The following DNM1 variants were observed in gnomAD, a reference collection of about 807,000 sequenced individuals.
DNM1 encodes the protein dynamin-1.
DNM1 carries 29 observed loss-of-function variants against 104.6 expected under a neutral mutation model. The ratio of observed to expected loss-of-function variants is 0.28; its 90% CI spans 0.21 to 0.38. The LOEUF (loss-of-function observed/expected upper bound fraction) is 0.38, where lower values mean the gene tolerates loss of function less well. DNM1 is among the 10% of genes least tolerant of loss of function. DNM1 has a pLI of 1.00. For synonymous variants in DNM1, 445 were observed against 475.8 expected, an observed-to-expected ratio of 0.94 and a Z score of 0.84; for missense variants, 640 against 1,189.4, an observed-to-expected ratio of 0.54 and a Z score of 6.79.
chr9:128,209,067 G>A (rs2131100864), intron 1 of DNM1, among the ~76,000 whole-genome samples: 1 of 151,484 alleles, frequency 6.6e-6, no homozygotes, highest in South Asian at 2.1e-4. Context: ...CCTGTTAGGG[G>A]CCCTTTGACA....
chr9:128,239,810 G>T, intron 13 of DNM1, 31 bp downstream of exon 13: 2 of 1,607,156 alleles, frequency 1.2e-6, no homozygotes, highest in Non-Finnish European at 1.7e-6. Flanking sequence ...CAGCCCGAGG[G>T]ATGGAGGGTG....
rs1297284895 is a variant in DNM1 at position 128,220,731 on chromosome 9, G to GCGCGCGCA, written c.849+397_849+398insACGCGCGC. On this transcript the variant is annotated intron_variant, in intron 6 of 21. Transcript: ENST00000372923. This position sits in a 1 kb window ranked among gnomAD's most constrained non-coding sequence, Gnocchi z 5.2. ...AATGGGGCATCCAGAACTGAAGTGC[G>GCGCGCGCA]CGCGCGCGCGCGTGTGTGTGTGTGT... 8.5e-5 allele frequency among the ~76,000 whole-genome samples: 7 copies of GCGCGCGCA among 81,942 alleles called. No individual in the cohort carries two copies. The highest frequency in any genetic ancestry group is 1.6e-4 in the Non-Finnish European group (7 of 44,646). The allele number at this position is 81,942 out of a possible 152,430, so 53.8% of individuals were successfully genotyped here.
At chr9:128,232,129 G>A (rs768962175) in intron 10 of DNM1, 2 of 444,238 alleles carry the variant, frequency 4.5e-6, no homozygotes, top group South Asian at 3.2e-5. Flanking sequence ...CAGGCGGTTA[G>A]TGGGAGAATT....
Position 128,220,856 on chromosome 9 carries a change from TG to T in DNM1, c.849+516del, listed in dbSNP as rs1381394484. Among the ~76,000 whole-genome samples the T allele has an allele frequency of 6.6e-5, 10 of 151,734 alleles. No homozygotes were observed. The highest frequency in any genetic ancestry group is 2.4e-4 in the African/African-American group (10 of 41,416). On this transcript the variant is annotated intron_variant, in intron 6 of 21. Transcript: ENST00000372923. The surrounding 1 kb of genome is among the most constrained non-coding windows in gnomAD (Gnocchi z 5.2). ...CTCTGAGACACTCTCTCTGGCTCTC[TG>T]AGCCTCTATTTCTTTTTTCTTTATT...
chr9:128,223,171 C>T (rs1304584934), intron 9 of DNM1: 5 of 391,356 alleles, frequency 1.3e-5, no homozygotes, highest in Non-Finnish European at 1.9e-5. Context: ...CCCAGGTAAC[C>T]GGACAAAGAT....
chr9:128,242,172 C>T, intron 14 of DNM1, 60 bp from the exon 15 acceptor site: 1 of 965,994 alleles, frequency 1.0e-6, no homozygotes. Context: ...TTTGCCTACC[C>T]CATCCCCCAT....
At chr9:128,230,778 A>C (rs543855649) in intron 10 of DNM1, among the ~76,000 whole-genome samples, 2 of 151,058 alleles carry the variant, frequency 1.3e-5, no homozygotes, top group South Asian at 4.2e-4. Flanking sequence ...GTCATGCTCT[A>C]ATCTTTTACA....
chr9:128,205,023 A>G (rs1257830257), intron 1 of DNM1: 1 of 152,312 alleles, frequency 6.6e-6, no homozygotes, highest in Non-Finnish European at 1.5e-5. Context: ...GACTGGAGCC[A>G]TGTGTGTGTG....
chr9:128,238,846 G>A (rs549452133), intron 11 of DNM1, among the ~76,000 whole-genome samples: 36 of 150,546 alleles, frequency 2.4e-4, no homozygotes, highest in African/African-American at 7.6e-4. Context: ...TAGTAGAGAC[G>A]GGGTTTCACC....
Position 128,245,880 on chromosome 9 carries a change from C to T in DNM1, c.1672-514C>T, listed in dbSNP as rs1297209319. On this transcript the variant is annotated intron_variant, in intron 15 of 21. Transcript: ENST00000372923. The surrounding 1 kb of genome is among the most constrained non-coding windows in gnomAD (Gnocchi z 5.2). ...GTGTTGGCACAAACACACAACTACA[C>T]ACATGTTGCACACACAGGCACACCA... 6.6e-6 allele frequency among the ~76,000 whole-genome samples: 1 copy of T among 152,238 alleles called. No homozygotes were observed. The highest frequency in any genetic ancestry group is 1.9e-4 in the East Asian group (1 of 5,200).
intron 1 of DNM1, among the ~76,000 whole-genome samples, chr9:128,212,982 G>C (rs927804476): frequency 3.3e-5 from 5 of 152,192 alleles, no homozygotes; most frequent in African/African-American, 1.2e-4. Context: ...GTTTAGCCAT[G>C]ATGATGATGA....
chr9:128,219,093 C>T lies in DNM1; in HGVS notation c.430C>T (p.Pro144Ser), dbSNP rs1834788765. 2 of 1,614,056 alleles carry T rather than the reference C, an allele frequency of 1.2e-6. No homozygotes were observed. Among genetic ancestry groups the T allele is most frequent in the African/African-American group, 2.7e-5 (2 of 74,938 alleles). ...LVDLPGMTKV[P>S]VGDQPPDIEF... ...GGACCTGCCCGGAATGACCAAGGTC[C>T]CGGTGGGGGACCAACCTCCCGACAT... The change falls in exon 4 of 22, where the codon CCG becomes TCG. Residue 144 changes from proline to serine, a missense_variant. Pro to Ser is a moderately conservative substitution (Grantham distance 74). Transcript: ENST00000372923.
Position 128,213,184 on chromosome 9 carries a change from C to T in DNM1, c.162-5047C>T, listed in dbSNP as rs144517948. On this transcript the variant is annotated intron_variant, in intron 1 of 21. Transcript: ENST00000372923. ...GCAACCTCCACCTCCCGGGTTCAAGCGATTCTCCTGCCTCAGTCTCCCGAG... is the reference window on the plus strand; with the variant it reads ...GCAACCTCCACCTCCCGGGTTCAAGTGATTCTCCTGCCTCAGTCTCCCGAG... 9.6e-3 allele frequency among the ~76,000 whole-genome samples: 1,459 copies of T among 152,276 alleles called. 30 individuals carry two copies. Among genetic ancestry groups the T allele is most frequent in the African/African-American group, 0.033 (1,371 of 41,544 alleles).
In DNM1 at chr9:128,203,836, A is replaced by G. The variant is rs2131064645; in HGVS notation, c.161+205A>G. 6.9e-6 allele frequency among the ~76,000 whole-genome samples: 1 copy of G among 145,546 alleles called. No homozygotes were observed. The highest frequency in any genetic ancestry group is 2.2e-4 in the South Asian group (1 of 4,458). On this transcript the variant is annotated intron_variant, in intron 1 of 21. Coordinates refer to ENST00000372923, the MANE Select transcript of DNM1 (RefSeq NM_004408.4). The surrounding 1 kb of genome is among the most constrained non-coding windows in gnomAD (Gnocchi z 5.3). Reference sequence around the variant, plus strand: ...AGCAGCGCCCCCCGCTAGTCTGCAAACGTCGTCAAGCCTCCGGCTACCGAA... The same window carrying G: ...AGCAGCGCCCCCCGCTAGTCTGCAAGCGTCGTCAAGCCTCCGGCTACCGAA...
intron 11 of DNM1, among the ~76,000 whole-genome samples, chr9:128,236,718 G>A (rs768965236): frequency 1.3e-5 from 2 of 152,120 alleles, no homozygotes; most frequent in Admixed American, 6.5e-5. Context: ...TAGGTGAGGC[G>A]GCATGCACCT....
At chr9:128,208,778 G>A (rs115594445) in intron 1 of DNM1, among the ~76,000 whole-genome samples, 1,805 of 152,242 alleles carry the variant, frequency 0.012, 36 homozygotes, top group African/African-American at 0.042. Context: ...CTGCTCCTGC[G>A]TTGCAAGGAG....
intron 11 of DNM1, among the ~76,000 whole-genome samples, chr9:128,236,687 C>T (rs1035714993): frequency 6.6e-6 from 1 of 152,004 alleles, no homozygotes; most frequent in African/African-American, 2.4e-5. Flanking sequence ...CCCGTCTCTA[C>T]AAAAAATTTA....
intron 1 of DNM1, among the ~76,000 whole-genome samples, chr9:128,211,074 C>T (rs753000081): frequency 7.2e-5 from 11 of 152,348 alleles, no homozygotes; most frequent in Non-Finnish European, 1.3e-4. Context: ...AACTGCCTGC[C>T]GGCTCCCCCA....
At chr9:128,221,662 G>A (rs548100899) in intron 6 of DNM1, among the ~76,000 whole-genome samples, 5 of 152,198 alleles carry the variant, frequency 3.3e-5, no homozygotes, top group Non-Finnish European at 4.4e-5. Context: ...TTGGGAGGCT[G>A]AGGCGGGTGG....
Sources: gnomAD v4.1 joint callset for allele counts (sites outside exome capture counted in the v4.1 genomes callset) on GRCh38, gnomAD v4.1.1 for gene constraint, Gnocchi (gnomAD v3.1) non-coding constraint, MANE v1.5 for transcripts, NCBI Gene and HGNC (gene_info 2026-07-23, HGNC 2026-07-21) for gene names.